The following DCHS2 variants were observed in gnomAD, a reference collection of about 807,000 sequenced individuals.
DCHS2 encodes the protein dachsous cadherin-related 2, also known as protocadherin-23.
In DCHS2, 142 loss-of-function variants were observed where a neutral mutation model predicts 182.4. That is an observed-to-expected ratio of 0.78 (90% confidence interval 0.68 to 0.89). DCHS2 has a LOEUF of 0.89. Among genes scored for constraint, DCHS2 ranks in the 40% least tolerant of loss-of-function variants. DCHS2 has a pLI of 0.00. For synonymous variants in DCHS2, 1,740 were observed against 1,663.3 expected (o/e 1.05, Z -1.12); for missense variants, 4,319 against 4,198.6 (o/e 1.03, Z -0.79).
At chr4:154,352,601 G>A (rs1229357452) in intron 3 of DCHS2, 1 of 152,108 alleles carries the variant, frequency 6.6e-6, no homozygotes, top group African/African-American at 2.4e-5. Context: ...GTCACTGAAA[G>A]GACTACTAAA....
rs149272017 is a variant in DCHS2 at position 154,266,043 on chromosome 4, G to A, written c.6577+3857C>T. On this transcript the variant is annotated intron_variant, in intron 14 of 19. Transcript: ENST00000357232. ...AATTATACTGTAGTAAAAGTTACGTGAATGTGGTCTCTCTTGCAAAATATC... is the reference window on the plus strand; with the variant it reads ...AATTATACTGTAGTAAAAGTTACGTAAATGTGGTCTCTCTTGCAAAATATC... 3.5e-4 allele frequency among the ~76,000 whole-genome samples: 54 copies of A among 152,330 alleles called. 2 individuals carry two copies. Among genetic ancestry groups the A allele is most frequent in the African/African-American group, 1.1e-3 (46 of 41,586 alleles).
chr4:154,251,488 C>T (rs1371478728), intron 16 of DCHS2, among the ~76,000 whole-genome samples: 7 of 151,982 alleles, frequency 4.6e-5, no homozygotes, highest in Non-Finnish European at 7.4e-5. Flanking sequence ...TATTAATGTG[C>T]CTTCTGCCAT....
chr4:154,424,797 A>G (rs1356725477), intron 1 of DCHS2, among the ~76,000 whole-genome samples: 2 of 152,144 alleles, frequency 1.3e-5, no homozygotes, highest in African/African-American at 2.4e-5. Context: ...AAGCCCTCCT[A>G]TTTAAGATTC....
rs1394176199 is a variant in DCHS2, at chr4:154,232,384, C to T, written c.*2152G>A. 1 of 152,072 alleles carries T rather than the reference C, an allele frequency of 6.6e-6. No homozygotes were observed. The highest frequency in any genetic ancestry group is 6.6e-5 in the Admixed American group (1 of 15,232). The allele number at this position is 152,072 out of a possible 1,614,324, so 9.4% of individuals were successfully genotyped here. A position where few individuals can be genotyped will look rare whatever the true frequency, so the allele number is the denominator to read the frequency against. On this transcript the variant is annotated 3_prime_UTR_variant, in exon 20 of 20. Coordinates refer to ENST00000357232, the MANE Select transcript of DCHS2 (RefSeq NM_001358235.2). ...CTGATAAACCCATCAATTAAAAATC[C>T]ATTAAATATTGGTAAAAAAGCTCTA...
At position 154,422,906 on chromosome 4, in the gene DCHS2, C is replaced by T. The variant is rs999836988; in HGVS notation, c.2053-45462G>A. ...CTGAAGGGACACACAGTCAAAGAAA[C>T]CTGCCTGTCCAGGCGTGAAGTCTCC... On this transcript the variant is annotated intron_variant, in intron 1 of 19. Coordinates refer to ENST00000357232, the MANE Select transcript of DCHS2 (RefSeq NM_001358235.2). 2.0e-5 allele frequency among the ~76,000 whole-genome samples: 3 copies of T among 152,318 alleles called. 1 individual carries two copies. In the South Asian group the frequency reaches 6.2e-4, roughly 32 times the overall value.
chr4:154,302,765 G>A (rs79546836), intron 12 of DCHS2, among the ~76,000 whole-genome samples: 5,609 of 93,368 alleles, frequency 0.06, 145 homozygotes, highest in Non-Finnish European at 0.1. Context: ...GAAAGAGGAA[G>A]GTGACACAAG....
At chr4:154,381,555 G>C (rs1407324863) in intron 1 of DCHS2, among the ~76,000 whole-genome samples, 1 of 151,914 alleles carries the variant, frequency 6.6e-6, no homozygotes, top group Non-Finnish European at 1.5e-5. Flanking sequence ...CTGCCAAAAG[G>C]CTCCTGGAAC....
Position 154,328,147 on chromosome 4 carries a change from C to T in DCHS2, c.3964G>A (p.Ala1322Thr). 1 of 1,609,662 alleles carries T rather than the reference C, an allele frequency of 6.2e-7. No individual in the cohort carries two copies. Among genetic ancestry groups the T allele is most frequent in the Non-Finnish European group, 8.5e-7 (1 of 1,178,036 alleles). Residue 1322 changes from alanine (A) to threonine (T), a missense_variant, in exon 7 of 20, where the codon GCA becomes ACA. Physicochemically the swap from Ala to Thr is moderately conservative, Grantham distance 58. Transcript: ENST00000357232. ...TTATTTCCTTCATCAGGATCCTTTG[C>T]AAACACAGTTGTAACCAACATATTT... ...PVNMLVTTVFAKDPDEGNNAE... is the reference protein window; with the variant it reads ...PVNMLVTTVFTKDPDEGNNAE...
At chr4:154,317,943 A>G (rs970462640) in intron 9 of DCHS2, among the ~76,000 whole-genome samples, 1 of 152,174 alleles carries the variant, frequency 6.6e-6, no homozygotes, top group Non-Finnish European at 1.5e-5. Flanking sequence ...ATTATTTCCA[A>G]TATTTACGAA....
chr4:154,391,276 T>TC (rs1560730307), intron 1 of DCHS2: 2 of 1,603,404 alleles, frequency 1.2e-6, no homozygotes, highest in Non-Finnish European at 1.7e-6. Flanking sequence ...TTCTCTGATT[T>TC]CGTTATCTCA....
chr4:154,472,489 A>G (rs1457351265), intron 1 of DCHS2, among the ~76,000 whole-genome samples: 1 of 152,222 alleles, frequency 6.6e-6, no homozygotes. Flanking sequence ...TTTAAAGAAC[A>G]CTACCTTTTT....
rs1561046025 is a variant in DCHS2, at chr4:154,329,547, G to GA, written c.3893dup (p.Gly1300TrpfsTer27). The GA allele has an allele frequency of 6.2e-7, 1 of 1,613,456 alleles. No individual in the cohort carries two copies. Among genetic ancestry groups the GA allele is most frequent in the Non-Finnish European group, 8.5e-7 (1 of 1,179,810 alleles). ...CCTTCACGTGTAACTCCTTTCCAGG[G>GA]AGACACTGGGGGAAGAAGGGCCTGT... On this transcript the variant is annotated frameshift_variant, in exon 6 of 20. Transcript: ENST00000357232. LOFTEE classifies it high-confidence loss of function.
At position 154,234,513 on chromosome 4, in the gene DCHS2, A is replaced by G; in HGVS notation, c.*23T>C. On this transcript the variant is annotated 3_prime_UTR_variant, in exon 20 of 20. Transcript: ENST00000357232. ...CATTCATTCATGACCAATGGTGAGC[A>G]GGTACTTGGCATCCCAGTGGTTTCA... 2 of 1,577,390 alleles carry G rather than the reference A, an allele frequency of 1.3e-6. No homozygotes were observed. The highest frequency in any genetic ancestry group is 1.2e-5 in the South Asian group (1 of 84,352).
rs1477977344 is a variant in DCHS2 at position 154,315,621 on chromosome 4, T to G, written c.5260+127A>C. The G allele has an allele frequency of 5.9e-6, 8 of 1,358,424 alleles. No homozygotes were observed. The Admixed American group carries it at 2.0e-4, about 35-fold the overall frequency. The allele number at this position is 1,358,424 out of a possible 1,614,324, so 84.1% of individuals were successfully genotyped here. On this transcript the variant is annotated intron_variant, in intron 10 of 19. Transcript: ENST00000357232. ...TCTGTGTGGATGCAAATGAAAGAAG[T>G]ATTACAAATTTGAGATAACTAGCAA...
chr4:154,393,656 T>C (rs1173233862), intron 1 of DCHS2, among the ~76,000 whole-genome samples: 1 of 150,906 alleles, frequency 6.6e-6, no homozygotes, highest in Non-Finnish European at 1.5e-5. Flanking sequence ...TAGTCTAATC[T>C]CTACAGTCTT....
intron 19 of DCHS2, chr4:154,237,384 A>G (rs1731583218): frequency 1.7e-6 from 1 of 585,438 alleles, no homozygotes; most frequent in East Asian, 3.9e-5. Context: ...TCTGTGAAAT[A>G]TGTGTGCTGC....
chr4:154,452,617 C>T (rs1450835120), intron 1 of DCHS2, among the ~76,000 whole-genome samples: 3 of 151,290 alleles, frequency 2.0e-5, no homozygotes, highest in Admixed American at 1.3e-4. Flanking sequence ...AGGCAAGACT[C>T]CATCGCAAAA....
At chr4:154,471,268 C>T (rs1456127244) in intron 1 of DCHS2, among the ~76,000 whole-genome samples, 1 of 152,160 alleles carries the variant, frequency 6.6e-6, no homozygotes, top group Non-Finnish European at 1.5e-5. Context: ...TAAAATTACT[C>T]ATACAAAGAT....
intron 1 of DCHS2, among the ~76,000 whole-genome samples, chr4:154,415,304 T>TATA (rs1732789831): frequency 6.6e-6 from 1 of 152,228 alleles, no homozygotes; most frequent in Non-Finnish European, 1.5e-5. Flanking sequence ...GACTTATACA[T>TATA]AGATTTAATT....
Sources: gnomAD v4.1 joint callset for allele counts (sites outside exome capture counted in the v4.1 genomes callset) on GRCh38, gnomAD v4.1.1 for gene constraint, MANE v1.5 for transcripts, NCBI Gene and HGNC (gene_info 2026-07-23, HGNC 2026-07-21) for gene names.